Variants in EEF2K observed in about 807,000 individuals in gnomAD.
EEF2K encodes eukaryotic elongation factor 2 kinase, also known as alternative protein EEF2K.
In EEF2K, 70 loss-of-function variants were observed where a neutral mutation model predicts 93.8. The ratio of observed to expected loss-of-function variants is 0.75; its 90% CI spans 0.62 to 0.91. EEF2K has a LOEUF of 0.91. Ranked by LOEUF, EEF2K falls within the 40% of genes least tolerant of loss-of-function variation. The pLI is 0.00. For missense variants in EEF2K, 935 were observed against 972.9 expected (o/e 0.96, Z 0.52); for synonymous variants, 376 against 380.8 (o/e 0.99, Z 0.15).
chr16:22,241,881 T>C (rs1412525557), intron 2 of EEF2K, among the ~76,000 whole-genome samples: 1 of 151,844 alleles, frequency 6.6e-6, no homozygotes, highest in Non-Finnish European at 1.5e-5. Flanking sequence ...GTAATCCTAG[T>C]TCCTTGGGAG....
chr16:22,211,154 C>T (rs2046909994), intron 1 of EEF2K, among the ~76,000 whole-genome samples: 1 of 152,200 alleles, frequency 6.6e-6, no homozygotes, highest in Admixed American at 6.5e-5. Flanking sequence ...CAGGCCCCCT[C>T]TCTCACTTCT....
At chr16:22,251,459 C>A in intron 6 of EEF2K, 137 bp downstream of exon 6, 1 of 1,181,372 alleles carries the variant, frequency 8.5e-7, no homozygotes, top group Non-Finnish European at 1.1e-6. Context: ...TGTCACCCAC[C>A]ACCAAGGCTG....
chr16:22,223,984 A>G (rs1347311810), intron 1 of EEF2K, among the ~76,000 whole-genome samples: 3 of 152,114 alleles, frequency 2.0e-5, no homozygotes, highest in Non-Finnish European at 2.9e-5. Flanking sequence ...AGGCAGGCGG[A>G]TCACCTGAGG....
intron 4 of EEF2K, among the ~76,000 whole-genome samples, 170 bp from the exon 5 acceptor site, chr16:22,250,484 C>T (rs1399768177): frequency 6.6e-6 from 1 of 152,112 alleles, no homozygotes; most frequent in Non-Finnish European, 1.5e-5. Flanking sequence ...TGGAAGGCCT[C>T]TATGGCTTTG....
rs2047749986 is a variant in EEF2K, at chr16:22,285,993, C to G, written c.*1997C>G. The G allele has an allele frequency of 1.3e-5, 2 of 152,126 alleles. No homozygotes were observed. The highest frequency in any genetic ancestry group is 4.8e-5 in the African/African-American group (2 of 41,406). The allele number at this position is 152,126 out of a possible 1,614,324, so 9.4% of individuals were successfully genotyped here. ...ACAGGCAGGAGCCACTGAGCCCAGCCAAGACTTCAGTGTTGACTGCTTTGG... is the reference window on the plus strand; with the variant it reads ...ACAGGCAGGAGCCACTGAGCCCAGCGAAGACTTCAGTGTTGACTGCTTTGG... On this transcript the variant is annotated 3_prime_UTR_variant, in exon 18 of 18. Transcript: ENST00000263026.
At chr16:22,237,090 A>ATG (rs1430034331) in intron 2 of EEF2K, among the ~76,000 whole-genome samples, 36 of 151,376 alleles carry the variant, frequency 2.4e-4, no homozygotes, top group African/African-American at 8.7e-4. Context: ...GAGCACAGGC[A>ATG]CACGTCACCA....
chr16:22,281,737 T>C (rs911277733), intron 17 of EEF2K, among the ~76,000 whole-genome samples: 4 of 152,190 alleles, frequency 2.6e-5, no homozygotes, highest in Non-Finnish European at 4.4e-5. Context: ...ATTTGTGGCT[T>C]TTTGTATCTG....
chr16:22,237,595 G>T (rs554097281), intron 2 of EEF2K, among the ~76,000 whole-genome samples: 1 of 148,728 alleles, frequency 6.7e-6, no homozygotes, highest in Non-Finnish European at 1.5e-5. Context: ...TGCAGGCTGC[G>T]CAACAGAGTG....
rs1004149751 is a variant in EEF2K at position 22,266,615 on chromosome 16, G to C, written c.1576-73G>C. ...CCTCCGCTAATCACTTCCTCCCGCAGGCTGGCTGGGCGGTCTTGGGTGCGG... is the reference window on the plus strand; with the variant it reads ...CCTCCGCTAATCACTTCCTCCCGCACGCTGGCTGGGCGGTCTTGGGTGCGG... On this transcript the variant is annotated intron_variant, in intron 14 of 17. Transcript: ENST00000263026. The C allele has an allele frequency of 6.9e-6, 11 of 1,588,152 alleles. No homozygotes were observed. The Middle Eastern group carries it at 1.7e-3, about 250-fold the overall frequency.
intron 1 of EEF2K, among the ~76,000 whole-genome samples, chr16:22,212,955 G>C (rs2046928870): frequency 6.6e-6 from 1 of 150,572 alleles, no homozygotes; most frequent in Non-Finnish European, 1.5e-5. Context: ...GCCTGGATGA[G>C]AGATCAAGAC....
At position 22,285,885 on chromosome 16, in the gene EEF2K, G is replaced by A. The variant is rs190927150; in HGVS notation, c.*1889G>A. ...TTTATAATTTTTGAAATAGAGATGG[G>A]GTCTCACTGTGTTGCCCAGGCTGGT... On this transcript the variant is annotated 3_prime_UTR_variant, in exon 18 of 18. Coordinates refer to ENST00000263026, the MANE Select transcript of EEF2K (RefSeq NM_013302.5). The A allele has an allele frequency of 1.3e-5, 2 of 152,044 alleles. No individual in the cohort carries two copies. The highest frequency in any genetic ancestry group is 3.9e-4 in the East Asian group (2 of 5,180). 9.4% of individuals were successfully genotyped at this position (152,044 alleles called of 1,614,324 possible).
At chr16:22,259,229 G>A (rs2047438933) in intron 10 of EEF2K, among the ~76,000 whole-genome samples, 1 of 152,158 alleles carries the variant, frequency 6.6e-6, no homozygotes, top group Non-Finnish European at 1.5e-5. Context: ...TCAGATGAGA[G>A]TCTGTAGGAA....
chr16:22,231,998 C>CAAAAAA (rs35198909), intron 2 of EEF2K, among the ~76,000 whole-genome samples: 756 of 65,802 alleles, frequency 0.011, 1 homozygote, highest in East Asian at 0.042. Flanking sequence ...CTTAAACAAA[C>CAAAAAA]AAAAAAAAAA....
At position 22,266,535 on chromosome 16, in the gene EEF2K, T is replaced by C; in HGVS notation, c.1575+11T>C. 1.9e-6 allele frequency: 3 copies of C among 1,613,898 alleles called. No individual in the cohort carries two copies. The highest frequency in any genetic ancestry group is 2.5e-6 in the Non-Finnish European group (3 of 1,179,860). On this transcript the variant is annotated intron_variant, in intron 14 of 17. Coordinates refer to ENST00000263026, the MANE Select transcript of EEF2K (RefSeq NM_013302.5). ...TCCATTTTGGGGAAGGTATCGGCGATGCCCATTTTGGAGCCCTGTCTGCAC... is the reference window on the plus strand; with the variant it reads ...TCCATTTTGGGGAAGGTATCGGCGACGCCCATTTTGGAGCCCTGTCTGCAC...
chr16:22,252,449 A>G (rs1211803034), intron 6 of EEF2K, among the ~76,000 whole-genome samples: 1 of 152,170 alleles, frequency 6.6e-6, no homozygotes, highest in Non-Finnish European at 1.5e-5. Context: ...AGTTCCAATA[A>G]AAGTCCCAGA....
At chr16:22,213,187 C>T (rs1011149646) in intron 1 of EEF2K, among the ~76,000 whole-genome samples, 1 of 152,072 alleles carries the variant, frequency 6.6e-6, no homozygotes, top group African/African-American at 2.4e-5. Context: ...GGCTGAGGCA[C>T]AAGAATCACT....
At chr16:22,238,934 G>T (rs2047195089) in intron 2 of EEF2K, among the ~76,000 whole-genome samples, 1 of 151,956 alleles carries the variant, frequency 6.6e-6, no homozygotes, top group Admixed American at 6.6e-5. Context: ...TGTCTACCCT[G>T]GGTGCAGGGG....
chr16:22,261,655 A>G (rs2047463650), intron 11 of EEF2K, among the ~76,000 whole-genome samples: 1 of 149,676 alleles, frequency 6.7e-6, no homozygotes, highest in African/African-American at 2.5e-5. Context: ...GCACCACTGC[A>G]CTCCAACCTG....
chr16:22,224,715 G>A (rs908044761), intron 1 of EEF2K, among the ~76,000 whole-genome samples: 1 of 152,036 alleles, frequency 6.6e-6, no homozygotes, highest in Non-Finnish European at 1.5e-5. Flanking sequence ...CACTTTGGGA[G>A]GCCCAGGCAG....
Sources: gnomAD v4.1 joint callset for allele counts (sites outside exome capture counted in the v4.1 genomes callset) on GRCh38, gnomAD v4.1.1 for gene constraint, MANE v1.5 for transcripts, NCBI Gene and HGNC (gene_info 2026-07-23, HGNC 2026-07-21) for gene names.